Variants in XPO1 observed in about 807,000 individuals in gnomAD.
XPO1 encodes the protein exportin 1.
XPO1 carries 5 observed loss-of-function variants against 133.3 expected under a neutral mutation model. The observed-to-expected ratio is 0.04, with a 90% CI of 0.02 to 0.08. The LOEUF is 0.08. Among genes scored for constraint, XPO1 ranks in the 10% least tolerant of loss-of-function variants. The pLI is 1.00. For missense variants in XPO1, 506 were observed against 1,267.5 expected, an observed-to-expected ratio of 0.40 and a Z score of 9.12; for synonymous variants, 419 against 408.2, an observed-to-expected ratio of 1.03 and a Z score of -0.32.
At chr2:61,536,303 T>A (rs1445585260) in intron 1 of XPO1, 1 of 152,226 alleles carries the variant, frequency 6.6e-6, no homozygotes, top group East Asian at 1.9e-4. Flanking sequence ...TTCTTTCCAC[T>A]AACAGCAGTG....
rs1696165599 is a variant in XPO1, at chr2:61,478,407, CAT to C, written c.*411_*412del. On this transcript the variant is annotated 3_prime_UTR_variant, in exon 25 of 25. Transcript: ENST00000401558. ...TTTAAACAACGCAATTTGTTTTACT[CAT>C]TATCTTTTCTTCTAGGCTGAAATAG... The C allele has an allele frequency of 7.7e-6, 2 of 260,922 alleles. No individual in the cohort carries two copies. The highest frequency in any genetic ancestry group is 1.5e-5 in the Non-Finnish European group (2 of 136,346). The allele number at this position is 260,922 out of a possible 1,614,324, so 16.2% of individuals were successfully genotyped here. A position where few individuals can be genotyped will look rare whatever the true frequency, so the allele number is the denominator to read the frequency against.
intron 2 of XPO1, among the ~76,000 whole-genome samples, chr2:61,531,557 CT>C (rs1240770607): frequency 6.6e-6 from 1 of 152,120 alleles, no homozygotes; most frequent in Non-Finnish European, 1.5e-5. Context: ...TTTATCATAC[CT>C]TTAGATGTAG....
chr2:61,499,817 A>G lies in XPO1; in HGVS notation c.486T>C (p.Ser162=). The G allele has an allele frequency of 6.2e-7, 1 of 1,613,434 alleles. No individual in the cohort carries two copies. Among genetic ancestry groups the G allele is most frequent in the Non-Finnish European group, 8.5e-7 (1 of 1,179,894 alleles). Residue 162 remains serine, a synonymous_variant, in exon 7 of 25, where the codon AGT becomes AGC. Transcript: ENST00000401558. ...GAATCACCATATTATTTTGACAGAG[A>G]CTTTCGCTGGTCCTACTTGCTCCAA... The part of the protein sequence containing the change: ...DIVGASRTSE[S]LCQNNMVILK...
At position 61,478,744 on chromosome 2, in the gene XPO1, T is replaced by G; in HGVS notation, c.*76A>C. ...TTTTAATTTACAAATTGGCATCATT[T>G]TGGTCGACAAATACCCACATGCTGT... On this transcript the variant is annotated 3_prime_UTR_variant, in exon 25 of 25. Coordinates refer to ENST00000401558, the MANE Select transcript of XPO1 (RefSeq NM_003400.4). 6.7e-7 allele frequency: 1 copy of G among 1,484,634 alleles called. No homozygotes were observed. The highest frequency in any genetic ancestry group is 1.3e-5 in the South Asian group (1 of 75,688). The allele number at this position is 1,484,634 out of a possible 1,614,324, so 92.0% of individuals were successfully genotyped here. A position where few individuals can be genotyped will look rare whatever the true frequency, so the allele number is the denominator to read the frequency against.
chr2:61,490,889 T>TC, intron 16 of XPO1, 113 bp from the exon 17 acceptor site: 1 of 1,293,050 alleles, frequency 7.7e-7, no homozygotes, highest in East Asian at 2.3e-5. Context: ...GTGCAGTGGA[T>TC]CACTCCTGTA....
At chr2:61,511,900 GGGAT>G (rs1698116454) in intron 4 of XPO1, among the ~76,000 whole-genome samples, 1 of 151,944 alleles carries the variant, frequency 6.6e-6, no homozygotes, top group Non-Finnish European at 1.5e-5. Context: ...CTGGGATTCT[GGGAT>G]TACAGGCACA....
chr2:61,484,197 T>C lies in XPO1; in HGVS notation c.2509-92A>G, dbSNP rs972667062. 1.3e-5 allele frequency: 15 copies of C among 1,177,230 alleles called. No individual in the cohort carries two copies. The African/African-American group carries it at 1.6e-4, about 12-fold the overall frequency. The allele number at this position is 1,177,230 out of a possible 1,614,324, so 72.9% of individuals were successfully genotyped here. ...AGCAAGGCTTAATCCAGTATAAATA[T>C]TTGGAGTTTTCAATAAACCACAGAA... On this transcript the variant is annotated intron_variant, in intron 20 of 24. Transcript: ENST00000401558.
At chr2:61,500,590 A>AAAAAAG (rs1252699676) in intron 6 of XPO1, among the ~76,000 whole-genome samples, 11 of 145,846 alleles carry the variant, frequency 7.5e-5, no homozygotes, top group Non-Finnish European at 1.5e-4. Context: ...AAAAAAAAAA[A>AAAAAAG]AAAAAAAAGA....
chr2:61,500,803 A>T (rs1206866039), intron 6 of XPO1, among the ~76,000 whole-genome samples: 1 of 152,102 alleles, frequency 6.6e-6, no homozygotes, highest in Non-Finnish European at 1.5e-5. Flanking sequence ...CATTTCAAAC[A>T]AGAAAAGAAG....
chr2:61,507,707 G>C (rs932864542), intron 4 of XPO1, among the ~76,000 whole-genome samples: 16 of 151,816 alleles, frequency 1.1e-4, no homozygotes, highest in Admixed American at 5.2e-4. Flanking sequence ...GCAAAACCTT[G>C]TCTCTGCTAA....
chr2:61,511,127 TTTTC>T (rs1449766965), intron 4 of XPO1, among the ~76,000 whole-genome samples: 3 of 152,078 alleles, frequency 2.0e-5, no homozygotes, highest in Non-Finnish European at 4.4e-5. Context: ...TACTGCTTTC[TTTTC>T]TTTATTTTTT....
chr2:61,491,373 C>T (rs902127453), intron 16 of XPO1, among the ~76,000 whole-genome samples: 2 of 150,748 alleles, frequency 1.3e-5, no homozygotes, highest in African/African-American at 2.4e-5. Context: ...AATCGTTTGA[C>T]CCCAGGAGGC....
intron 6 of XPO1, 138 bp downstream of exon 6, chr2:61,501,858 G>A (rs901399652): frequency 6.2e-6 from 4 of 645,644 alleles, no homozygotes; most frequent in South Asian, 4.6e-5. Flanking sequence ...GTACTAGACA[G>A]TAGGTTACCT....
intron 21 of XPO1, 24 bp from the exon 22 acceptor site, chr2:61,483,115 G>T (rs1210080250): frequency 1.9e-6 from 3 of 1,599,248 alleles, no homozygotes; most frequent in South Asian, 2.2e-5. Context: ...AATACCAATG[G>T]AAAGTTACTA....
At chr2:61,526,126 A>G in intron 3 of XPO1, 1 of 1,165,196 alleles carries the variant, frequency 8.6e-7, no homozygotes. Context: ...TAATCTCTGA[A>G]TAACATTCAG....
chr2:61,526,363 C>A, intron 3 of XPO1, 57 bp downstream of exon 3: 1 of 1,560,808 alleles, frequency 6.4e-7, no homozygotes, highest in East Asian at 2.3e-5. Context: ...ATACCTTCCT[C>A]AAAGTTTATG....
chr2:61,493,749 C>T (rs1697107969), intron 12 of XPO1, 145 bp downstream of exon 12: 1 of 834,698 alleles, frequency 1.2e-6, no homozygotes, highest in Non-Finnish European at 1.9e-6. Flanking sequence ...CAACTCCTTT[C>T]ATGTTCTAGT....
intron 1 of XPO1, chr2:61,536,866 TCA>T (rs1489575907): frequency 6.6e-6 from 1 of 152,602 alleles, no homozygotes; most frequent in Non-Finnish European, 1.5e-5. Flanking sequence ...CAACCCAAAC[TCA>T]CAGACATCGG....
chr2:61,521,628 C>G (rs1369060220), intron 4 of XPO1, among the ~76,000 whole-genome samples: 3 of 152,172 alleles, frequency 2.0e-5, no homozygotes, highest in Non-Finnish European at 4.4e-5. Flanking sequence ...ATTTTCTGAT[C>G]TTTCTTCATT....
Sources: gnomAD v4.1 joint callset for allele counts (sites outside exome capture counted in the v4.1 genomes callset) on GRCh38, gnomAD v4.1.1 for gene constraint, MANE v1.5 for transcripts, NCBI Gene and HGNC (gene_info 2026-07-23, HGNC 2026-07-21) for gene names.